The following LCOR variants were observed in gnomAD, a reference collection of about 807,000 sequenced individuals.
LCOR encodes ligand dependent nuclear receptor corepressor.
A neutral mutation model predicts 64.4 loss-of-function variants in LCOR; 14 were observed. The ratio of observed to expected loss-of-function variants is 0.22; its 90% CI spans 0.14 to 0.34. The LOEUF (loss-of-function observed/expected upper bound fraction) is 0.34. Ranked by LOEUF, LCOR falls within the 10% of genes least tolerant of loss-of-function variation. The pLI is 1.00. For missense variants in LCOR, 1,686 were observed against 1,765.3 expected, an observed-to-expected ratio of 0.96 and a Z score of 0.80; for synonymous variants, 643 against 642.5, an observed-to-expected ratio of 1.00 and a Z score of -0.01.
At chr10:96,862,869 C>CTTTCT (rs771382849) in intron 2 of LCOR, among the ~76,000 whole-genome samples, 1 of 151,096 alleles carries the variant, frequency 6.6e-6, no homozygotes, top group African/African-American at 2.4e-5. Flanking sequence ...AATATGTTTT[C>CTTTCT]TTTCTTTTCT....
chr10:96,846,706 T>C (rs1177370014), intron 2 of LCOR, among the ~76,000 whole-genome samples: 1 of 152,232 alleles, frequency 6.6e-6, no homozygotes, highest in Non-Finnish European at 1.5e-5. Context: ...TTTATTAAAA[T>C]AGATTCTGGC....
At chr10:96,881,947 T>A (rs1248264970) in intron 2 of LCOR, among the ~76,000 whole-genome samples, 1 of 152,206 alleles carries the variant, frequency 6.6e-6, no homozygotes, top group Non-Finnish European at 1.5e-5. Flanking sequence ...TTTATTTGTT[T>A]TTAGTTGATG....
At chr10:96,868,213 C>T (rs1171166226) in intron 2 of LCOR, among the ~76,000 whole-genome samples, 1 of 151,242 alleles carries the variant, frequency 6.6e-6, no homozygotes, top group Non-Finnish European at 1.5e-5. Flanking sequence ...GGATGGATGT[C>T]CTAATAATAT....
chr10:96,939,474 A>T (rs1847410021), intron 4 of LCOR, among the ~76,000 whole-genome samples: 1 of 152,232 alleles, frequency 6.6e-6, no homozygotes, highest in African/African-American at 2.4e-5. Context: ...AGTGACCAAA[A>T]ATATATAGAT....
At chr10:96,910,485 T>A (rs1418527537) in intron 4 of LCOR, among the ~76,000 whole-genome samples, 1 of 152,244 alleles carries the variant, frequency 6.6e-6, no homozygotes, top group Non-Finnish European at 1.5e-5. Context: ...TTACAGTATT[T>A]CTTTAGTTGT....
intron 7 of LCOR, among the ~76,000 whole-genome samples, chr10:96,965,947 A>G (rs1847945459): frequency 6.6e-6 from 1 of 152,010 alleles, no homozygotes; most frequent in African/African-American, 2.4e-5. Flanking sequence ...CATCTCATAA[A>G]TGAATTTGCT....
chr10:96,970,450 A>G (rs901826254), intron 7 of LCOR, among the ~76,000 whole-genome samples: 7 of 151,970 alleles, frequency 4.6e-5, no homozygotes, highest in Admixed American at 1.3e-4. Flanking sequence ...ATTTTTGCCA[A>G]GAAGACCTGG....
rs1303513738 is a variant in LCOR, at chr10:96,981,226, A to G, written c.766A>G (p.Asn256Asp). ...CTCTGAACTTCCAACCACTAAATCG[A>G]ATTCTATTAATAGCAGTTCAGTGGA... is the stretch of plus-strand genomic sequence containing the variant. ...DSSELPTTKSNSINSSSVDSF... is the reference protein window; with the variant it reads ...DSSELPTTKSDSINSSSVDSF... Residue 256 changes from asparagine to aspartate, a missense_variant, in exon 8 of 8, where the codon AAT becomes GAT. Around this residue, in one of 3 missense-constraint regions of LCOR, gnomAD observed 313 missense variants for 247.2 expected, o/e 1.27. Transcript: ENST00000421806. 3.6e-6 allele frequency: 3 copies of G among 828,310 alleles called. No individual in the cohort carries two copies. Among genetic ancestry groups the G allele is most frequent in the Non-Finnish European group, 6.0e-6 (3 of 497,096 alleles). 51.3% of individuals were successfully genotyped at this position (828,310 alleles called of 1,614,324 possible). A position where few individuals can be genotyped will look rare whatever the true frequency, so the allele number is the denominator to read the frequency against.
At chr10:96,936,768 A>T (rs1847357200) in intron 4 of LCOR, among the ~76,000 whole-genome samples, 1 of 149,280 alleles carries the variant, frequency 6.7e-6, no homozygotes, top group Admixed American at 6.6e-5. Flanking sequence ...TTGGAAATAC[A>T]GTAGTCTTCC....
At chr10:96,882,428 A>G (rs1373588406) in intron 2 of LCOR, among the ~76,000 whole-genome samples, 1 of 152,232 alleles carries the variant, frequency 6.6e-6, no homozygotes, top group African/African-American at 2.4e-5. Context: ...TTTTTAGTTA[A>G]TAAACTTTAT....
Position 96,990,854 on chromosome 10 carries a change from G to A in LCOR, c.*5720G>A, listed in dbSNP as rs560267951. 1 of 152,180 alleles carries A rather than the reference G, an allele frequency of 6.6e-6. No homozygotes were observed. The highest frequency in any genetic ancestry group is 2.4e-5 in the African/African-American group (1 of 41,494). 9.4% of individuals were successfully genotyped at this position (152,180 alleles called of 1,614,324 possible). On this transcript the variant is annotated 3_prime_UTR_variant, in exon 8 of 8. Coordinates refer to ENST00000421806, the MANE Select transcript of LCOR (RefSeq NM_001346516.2). ...GTAGTTATGCTGCCGGGTGAGCACA[G>A]ACACACATACTTTCTCCCCTAGCTG...
rs752755858 is a variant in LCOR at position 96,949,199 on chromosome 10, A to G, written c.142A>G (p.Thr48Ala). ...CACCACCTCTCCCACGGCTGCAACT[A>G]CTCAGAACCCTGTGCTCAGCAAACT... Reference protein sequence around the residue: ...PVTTSPTAATTQNPVLSKLLM... With the variant: ...PVTTSPTAATAQNPVLSKLLM... Residue 48 changes from threonine (T) to alanine (A), a missense_variant, in exon 6 of 8, where the codon ACT becomes GCT. Coordinates refer to ENST00000421806, the MANE Select transcript of LCOR (RefSeq NM_001346516.2). 2.5e-6 allele frequency: 4 copies of G among 1,614,136 alleles called. No individual in the cohort carries two copies. Among genetic ancestry groups the G allele is most frequent in the East Asian group, 2.2e-5 (1 of 44,884 alleles).
Position 96,955,041 on chromosome 10 carries a change from G to A in LCOR, c.332+2845G>A, listed in dbSNP as rs777059090. The A allele has an allele frequency of 3.7e-6, 6 of 1,614,130 alleles. No homozygotes were observed. In the South Asian group the frequency reaches 6.6e-5, roughly 18 times the overall value. On this transcript the variant is annotated intron_variant, in intron 7 of 7. Coordinates refer to ENST00000421806, the MANE Select transcript of LCOR (RefSeq NM_001346516.2). ...AAGAAGCTTACAGGATGGAACCAGG[G>A]AAGGTTTTGGACACTCCACATCACT...
chr10:96,832,631 G>T (rs1209233659), intron 1 of LCOR, among the ~76,000 whole-genome samples: 1 of 150,096 alleles, frequency 6.7e-6, no homozygotes, highest in Non-Finnish European at 1.5e-5. Flanking sequence ...GCCTCCCCGG[G>T]GCTGGCTCTC....
At chr10:96,834,459 A>G (rs1405713735) in intron 2 of LCOR, among the ~76,000 whole-genome samples, 1 of 152,174 alleles carries the variant, frequency 6.6e-6, no homozygotes, top group Non-Finnish European at 1.5e-5. Flanking sequence ...TCAAAGTATT[A>G]TTATGCATGT....
At chr10:96,935,932 G>A (rs1830060419) in intron 4 of LCOR, among the ~76,000 whole-genome samples, 1 of 152,264 alleles carries the variant, frequency 6.6e-6, no homozygotes, top group South Asian at 2.1e-4. Context: ...GAAGATCTGT[G>A]TGAATAGTTA....
At chr10:96,978,027 A>G (rs914505759) in intron 7 of LCOR, among the ~76,000 whole-genome samples, 6 of 152,222 alleles carry the variant, frequency 3.9e-5, no homozygotes, top group African/African-American at 1.2e-4. Context: ...CAGCAGGACT[A>G]CTTACTGATT....
chr10:96,872,273 A>T (rs1402626211), intron 2 of LCOR, among the ~76,000 whole-genome samples: 3 of 152,242 alleles, frequency 2.0e-5, no homozygotes, highest in Non-Finnish European at 2.9e-5. Flanking sequence ...TTTCAAATAT[A>T]CCATCGGTAT....
At chr10:96,970,653 A>ATTTTATTTATTTTAT (rs1208672189) in intron 7 of LCOR, among the ~76,000 whole-genome samples, 2 of 140,796 alleles carry the variant, frequency 1.4e-5, no homozygotes, top group African/African-American at 5.3e-5. Flanking sequence ...ATTTTATTTT[A>ATTTTATTTATTTTAT]TTTATTTTAT....
Sources: gnomAD v4.1 joint callset for allele counts (sites outside exome capture counted in the v4.1 genomes callset) on GRCh38, gnomAD v4.1.1 for gene constraint, gnomAD v4.1.1 regional missense constraint, MANE v1.5 for transcripts, NCBI Gene and HGNC (gene_info 2026-07-23, HGNC 2026-07-21) for gene names.